RBMS3: variants seen among roughly 807,000 people sequenced by gnomAD.
RBMS3 encodes the protein RNA-binding motif, single-stranded-interacting protein 3.
In RBMS3, 27 loss-of-function variants were observed where a neutral mutation model predicts 66.8. That is an observed-to-expected ratio of 0.40 (90% CI 0.30 to 0.56). The LOEUF (loss-of-function observed/expected upper bound fraction) is 0.56, where lower values mean the gene tolerates loss of function less well. Ranked by LOEUF, RBMS3 falls within the 20% of genes least tolerant of loss-of-function variation. The probability of loss-of-function intolerance (pLI) is 0.40; values close to 1 mark genes in which losing one functional copy is unlikely to be tolerated. For missense variants in RBMS3, 513 were observed against 549.5 expected (o/e 0.93, Z 0.66); for synonymous variants, 188 against 183.0 (o/e 1.03, Z -0.22).
At chr3:30,000,208 A>AC (rs1176541977) in intron 14 of RBMS3, among the ~76,000 whole-genome samples, 3 of 152,140 alleles carry the variant, frequency 2.0e-5, no homozygotes, top group African/African-American at 7.2e-5. Flanking sequence ...GAAAAAAACA[A>AC]CCCCATCAAA....
chr3:29,550,621 G>A (rs2046150377), intron 3 of RBMS3, among the ~76,000 whole-genome samples: 1 of 152,036 alleles, frequency 6.6e-6, no homozygotes, highest in Non-Finnish European at 1.5e-5. Flanking sequence ...GTATTATAGT[G>A]TAATAGTGTA....
intron 6 of RBMS3, among the ~76,000 whole-genome samples, chr3:29,777,804 T>A (rs2056479353): frequency 6.6e-6 from 1 of 151,790 alleles, no homozygotes; most frequent in African/African-American, 2.4e-5. Flanking sequence ...ACAATTAGAT[T>A]TTTTTTTCTA....
intron 1 of RBMS3, among the ~76,000 whole-genome samples, chr3:29,356,340 T>C (rs1575603413): frequency 6.6e-6 from 1 of 152,344 alleles, no homozygotes; most frequent in Non-Finnish European, 1.5e-5. Flanking sequence ...ACTTTTGTTC[T>C]ATGTTTTGTT....
At chr3:29,688,076 A>T (rs981916317) in intron 4 of RBMS3, among the ~76,000 whole-genome samples, 1 of 152,124 alleles carries the variant, frequency 6.6e-6, no homozygotes, top group Non-Finnish European at 1.5e-5. Flanking sequence ...CTCTACTCCA[A>T]TTGCAAATTG....
At chr3:29,884,422 TTCTCTCTCTCTCTCTCTCTCTC>T (rs571002730) in intron 8 of RBMS3, among the ~76,000 whole-genome samples, 2 of 41,842 alleles carry the variant, frequency 4.8e-5, no homozygotes, top group Admixed American at 3.3e-4. Flanking sequence ...TTAAACCCTG[TTCTCTCTCTCTCTCTCTCTCTC>T]TCTCTCTCTC....
At position 29,353,517 on chromosome 3, in the gene RBMS3, G is replaced by A. The variant is rs559704976; in HGVS notation, c.75+71761G>A. 2.8e-4 allele frequency among the ~76,000 whole-genome samples: 42 copies of A among 151,926 alleles called. No homozygotes were observed. The South Asian group carries it at 8.7e-3, about 32-fold the overall frequency. On this transcript the variant is annotated intron_variant, in intron 1 of 14. Transcript: ENST00000383767. ...TTTGCTGTTCTTTTGCTTATAATTA[G>A]GTCTGTAGGAAGGAAGATTTTGTAA...
At chr3:29,581,460 C>T (rs980107260) in intron 3 of RBMS3, among the ~76,000 whole-genome samples, 1 of 152,160 alleles carries the variant, frequency 6.6e-6, no homozygotes, top group Non-Finnish European at 1.5e-5. Context: ...CCACCCCTCT[C>T]TCCCTGCAAC....
intron 1 of RBMS3, among the ~76,000 whole-genome samples, chr3:29,287,471 A>G (rs2032449705): frequency 6.6e-6 from 1 of 152,126 alleles, no homozygotes; most frequent in South Asian, 2.1e-4. Flanking sequence ...AGCAACTTAC[A>G]GATGGCAAAA....
intron 1 of RBMS3, among the ~76,000 whole-genome samples, chr3:29,422,376 T>A (rs2040781350): frequency 1.5e-5 from 2 of 137,728 alleles, no homozygotes; most frequent in African/African-American, 5.7e-5. Flanking sequence ...TTCCTTCTCT[T>A]ATGTAGAATA....
intron 6 of RBMS3, among the ~76,000 whole-genome samples, chr3:29,778,341 T>C (rs1326878641): frequency 1.3e-5 from 2 of 151,880 alleles, no homozygotes; most frequent in Non-Finnish European, 2.9e-5. Flanking sequence ...ATTATTTCAA[T>C]TTCACTTCTT....
chr3:29,355,160 A>G (rs945309345), intron 1 of RBMS3, among the ~76,000 whole-genome samples: 3 of 152,088 alleles, frequency 2.0e-5, no homozygotes, highest in Admixed American at 6.6e-5. Flanking sequence ...TGCATGTTCT[A>G]TGAATAAGGG....
chr3:29,877,065 G>A (rs9872372), intron 7 of RBMS3, among the ~76,000 whole-genome samples: 1 of 152,032 alleles, frequency 6.6e-6, no homozygotes, highest in Non-Finnish European at 1.5e-5. Flanking sequence ...CATAAACACC[G>A]AAACAAGAGA....
Position 29,928,137 on chromosome 3 carries a change from A to C in RBMS3, c.940-7949A>C, listed in dbSNP as rs1009632521. On this transcript the variant is annotated intron_variant, in intron 10 of 14. Transcript: ENST00000383767. ...CACTGTTTCCCTTATAACCCCACTT[A>C]GAACAAAAAATAAGGAGAAACTGGT... Among the ~76,000 whole-genome samples, 47 of 148,962 alleles carry C rather than the reference A, an allele frequency of 3.2e-4. 1 individual carries two copies. Among genetic ancestry groups the C allele is most frequent in the African/African-American group, 1.1e-3 (46 of 40,704 alleles).
intron 4 of RBMS3, among the ~76,000 whole-genome samples, chr3:29,735,521 T>C (rs2054339305): frequency 6.6e-6 from 1 of 152,196 alleles, no homozygotes; most frequent in Non-Finnish European, 1.5e-5. Context: ...GATGTATGAA[T>C]TGTAGTCATA....
chr3:29,418,642 G>A (rs1289396424), intron 1 of RBMS3, among the ~76,000 whole-genome samples: 3 of 152,082 alleles, frequency 2.0e-5, no homozygotes, highest in Non-Finnish European at 4.4e-5. Flanking sequence ...TCTCTGTGAT[G>A]TAGTGTATAC....
At chr3:29,676,605 C>G (rs1217943594) in intron 4 of RBMS3, among the ~76,000 whole-genome samples, 1 of 152,114 alleles carries the variant, frequency 6.6e-6, no homozygotes, top group Admixed American at 6.6e-5. Context: ...TAAATGCAAT[C>G]AGTAGTAACT....
At chr3:29,669,377 A>C (rs2050898351) in intron 4 of RBMS3, among the ~76,000 whole-genome samples, 1 of 152,194 alleles carries the variant, frequency 6.6e-6, no homozygotes, top group African/African-American at 2.4e-5. Flanking sequence ...TTTGAGCTTC[A>C]CATGAGTTGC....
chr3:29,413,727 G>A lies in RBMS3; in HGVS notation c.76-21016G>A, dbSNP rs753035156. 1.3e-4 allele frequency among the ~76,000 whole-genome samples: 20 copies of A among 151,996 alleles called. No homozygotes were observed. The South Asian group carries it at 2.9e-3, about 22-fold the overall frequency. On this transcript the variant is annotated intron_variant, in intron 1 of 14. Coordinates refer to ENST00000383767, the MANE Select transcript of RBMS3 (RefSeq NM_001003793.3). The stretch of plus-strand genomic sequence containing the variant: ...TCCTCAGTGCTGGATTTCCATTTCC[G>A]TTTCTAGGTGAAGAGAACTGAATTG...
intron 3 of RBMS3, among the ~76,000 whole-genome samples, chr3:29,526,059 G>C (rs908163187): frequency 6.6e-6 from 1 of 152,076 alleles, no homozygotes; most frequent in African/African-American, 2.4e-5. Flanking sequence ...CAGTGAGAAG[G>C]CACCTTAAGG....
Sources: gnomAD v4.1 joint callset for allele counts (sites outside exome capture counted in the v4.1 genomes callset) on GRCh38, gnomAD v4.1.1 for gene constraint, MANE v1.5 for transcripts, NCBI Gene and HGNC (gene_info 2026-07-23, HGNC 2026-07-21) for gene names.